F8: variants seen among roughly 807,000 people sequenced by gnomAD.
F8 encodes coagulation factor VIII.
A neutral mutation model predicts 140.6 loss-of-function variants in F8; 12 were observed. The ratio of observed to expected loss-of-function variants is 0.09; its 90% CI spans 0.05 to 0.14. The LOEUF (loss-of-function observed/expected upper bound fraction) is 0.14. Ranked by LOEUF, F8 falls within the 10% of genes least tolerant of loss-of-function variation. The pLI is 1.00. For synonymous variants in F8, 585 were observed against 614.6 expected (o/e 0.95, Z 0.71); for missense variants, 1,354 against 1,720.7 (o/e 0.79, Z 3.77).
At chrX:154,940,796 A>T (rs1195769896) in intron 13 of F8, among the ~76,000 whole-genome samples, 4 of 112,314 alleles carry the variant, frequency 3.6e-5, no homozygotes, top group African/African-American at 1.3e-4. Flanking sequence ...AGGGAAGCCC[A>T]TCAGACTAAC....
At chrX:155,012,172 G>A (rs1314425508) in intron 1 of F8, among the ~76,000 whole-genome samples, 1 of 111,903 alleles carries the variant, frequency 8.9e-6, no homozygotes, top group African/African-American at 3.3e-5. Flanking sequence ...ATAAAAATGT[G>A]GAGATTTAGG....
intron 13 of F8, among the ~76,000 whole-genome samples, chrX:154,945,615 G>T (rs782191628): frequency 8.9e-6 from 1 of 112,045 alleles, no homozygotes; most frequent in Non-Finnish European, 1.9e-5. Context: ...TGCCATATAT[G>T]ACAAACTACG....
intron 22 of F8, among the ~76,000 whole-genome samples, chrX:154,868,502 A>AT (rs1369616689): frequency 9.0e-6 from 1 of 111,567 alleles, no homozygotes; most frequent in Non-Finnish European, 1.9e-5. Context: ...ATGCTGAGGG[A>AT]TTTTGTCACC....
chrX:154,909,634 A>G (rs1361788398), intron 14 of F8: 1 of 114,895 alleles, frequency 8.7e-6, no homozygotes, highest in East Asian at 2.7e-4. Context: ...GCCCGTTCTT[A>G]AAGATACTAG....
At chrX:154,917,397 G>A (rs1386677172) in intron 14 of F8, among the ~76,000 whole-genome samples, 1 of 111,646 alleles carries the variant, frequency 9.0e-6, no homozygotes, top group African/African-American at 3.3e-5. Flanking sequence ...ACCTTTGAGA[G>A]TTTAATTATT....
intron 14 of F8, among the ~76,000 whole-genome samples, chrX:154,916,686 AT>A (rs782217712): frequency 2.7e-5 from 3 of 109,597 alleles, no homozygotes; most frequent in Admixed American, 9.7e-5. Flanking sequence ...GTCTTCTCTC[AT>A]TTTTTTTCCT....
intron 1 of F8, among the ~76,000 whole-genome samples, chrX:155,016,910 G>A (rs1198973694): frequency 8.9e-6 from 1 of 112,138 alleles, no homozygotes; most frequent in African/African-American, 3.2e-5. Context: ...GTAAAAATTT[G>A]GCCCACATCA....
intron 18 of F8, among the ~76,000 whole-genome samples, chrX:154,902,687 C>T (rs782669512): frequency 1.7e-4 from 19 of 111,694 alleles, no homozygotes; most frequent in South Asian, 3.8e-4. Context: ...ATGACAGTCA[C>T]GTAAGGGAGT....
intron 22 of F8, among the ~76,000 whole-genome samples, chrX:154,891,365 T>C (rs782622419): frequency 8.9e-6 from 1 of 112,984 alleles, no homozygotes; most frequent in East Asian, 2.8e-4. Flanking sequence ...GCAAATAAAA[T>C]AGGGATAGGA....
chrX:154,879,881 C>T (rs782637009), intron 22 of F8, among the ~76,000 whole-genome samples: 1 of 111,398 alleles, frequency 9.0e-6, no homozygotes, highest in East Asian at 2.8e-4. Context: ...CATGGTAAGG[C>T]GTGCTTGCTT....
intron 10 of F8, among the ~76,000 whole-genome samples, 161 bp from the exon 11 acceptor site, chrX:154,957,332 A>G (rs1157491487): frequency 8.9e-6 from 1 of 111,936 alleles, no homozygotes; most frequent in East Asian, 2.8e-4. Context: ...TAAGATTCAA[A>G]CAATTTTTTT....
intron 9 of F8, among the ~76,000 whole-genome samples, chrX:154,965,169 A>G (rs187077045): frequency 8.0e-4 from 90 of 111,824 alleles, no homozygotes; most frequent in African/African-American, 2.9e-3. Flanking sequence ...AATTTTCTGA[A>G]GGTTTATAAT....
At chrX:154,921,577 C>T (rs1165907991) in intron 14 of F8, among the ~76,000 whole-genome samples, 2 of 111,658 alleles carry the variant, frequency 1.8e-5, no homozygotes, top group African/African-American at 6.5e-5. Flanking sequence ...GACACATGCA[C>T]ACGTATATTT....
At chrX:154,862,273 G>A (rs1015586848) in intron 23 of F8, among the ~76,000 whole-genome samples, 4 of 111,388 alleles carry the variant, frequency 3.6e-5, no homozygotes, top group African/African-American at 9.8e-5. Flanking sequence ...TGATCCACCC[G>A]CCTTGGCCTC....
chrX:155,004,478 C>A (rs1557285933), intron 1 of F8, among the ~76,000 whole-genome samples: 3 of 111,977 alleles, frequency 2.7e-5, no homozygotes, highest in Non-Finnish European at 5.6e-5. Context: ...TTACCAGTCT[C>A]TGCTGTTGGT....
intron 19 of F8, among the ~76,000 whole-genome samples, 189 bp from the exon 20 acceptor site, chrX:154,901,631 C>G (rs1040485189): frequency 2.7e-5 from 3 of 112,230 alleles, no homozygotes; most frequent in Non-Finnish European, 5.6e-5. Flanking sequence ...GAATGATTCA[C>G]ATTTTACAGC....
In F8 at chrX:154,929,898, C is replaced by T. The variant is rs1276607905; in HGVS notation, c.3892G>A (p.Gly1298Ser). 1 of 1,209,594 alleles carries T rather than the reference C, an allele frequency of 8.3e-7. No individual in the cohort carries two copies. The highest frequency in any genetic ancestry group is 1.1e-6 in the Non-Finnish European group (1 of 894,883). The stretch of plus-strand genomic sequence containing the variant: ...ATTTGCTTGGTTTGATTTCCCAAGC[C>T]TTCCAAGTTTTCTTCCTCCCCTTTT... ...SKKGEEENLE[G>S]LGNQTKQIVE... Residue 1298 changes from glycine to serine, a missense_variant, in exon 14 of 26, where the codon GGC becomes AGC. Around this residue, in one of 4 missense-constraint regions of F8, gnomAD observed 658 missense variants for 666.5 expected, o/e 0.99. Coordinates refer to ENST00000360256, the MANE Select transcript of F8 (RefSeq NM_000132.4).
intron 23 of F8, 37 bp from the exon 24 acceptor site, chrX:154,861,903 A>T: frequency 8.3e-7 from 1 of 1,201,885 alleles, no homozygotes; most frequent in Non-Finnish European, 1.1e-6. Flanking sequence ...TCACAAGGAC[A>T]TGCTTCAGCC....
intron 22 of F8, among the ~76,000 whole-genome samples, chrX:154,880,217 T>C (rs1341641953): frequency 8.9e-6 from 1 of 111,813 alleles, no homozygotes; most frequent in Non-Finnish European, 1.9e-5. Context: ...ATCAGTAATG[T>C]AGGGGATCAA....
Sources: allele counts gnomAD v4.1 joint callset (sites outside exome capture counted in the v4.1 genomes callset), GRCh38; gene constraint gnomAD v4.1.1; regional missense constraint gnomAD v4.1.1; transcripts MANE v1.5; gene names NCBI Gene and HGNC (gene_info 2026-07-23, HGNC 2026-07-21).